The following SV2C variants were observed in gnomAD, a reference collection of about 807,000 sequenced individuals.
SV2C encodes solute carrier family 22 member B3.
In SV2C, 49 loss-of-function variants were observed where a neutral mutation model predicts 79.7. That is an observed-to-expected ratio of 0.61 (90% CI 0.49 to 0.78). The LOEUF (loss-of-function observed/expected upper bound fraction) is 0.78. Ranked by LOEUF, SV2C falls within the 30% of genes least tolerant of loss-of-function variation. SV2C has a pLI of 0.00. For missense variants in SV2C, 833 were observed against 912.9 expected, an observed-to-expected ratio of 0.91 and a Z score of 1.13; for synonymous variants, 334 against 333.2, an observed-to-expected ratio of 1.00 and a Z score of -0.03.
the SV2C span, among the ~76,000 whole-genome samples, chr5:76,039,518 G>A: frequency 6.6e-6 from 1 of 152,178 alleles, no homozygotes; most frequent in Non-Finnish European, 1.5e-5. Context: ...CAGTTTGCGA[G>A]GCTGAGGTGG....
chr5:76,015,242 A>G, the SV2C span, among the ~76,000 whole-genome samples: 1 of 152,176 alleles, frequency 6.6e-6, no homozygotes, highest in African/African-American at 2.4e-5. Flanking sequence ...CCTTCACTAA[A>G]TTGCATCATG....
chr5:76,055,917 T>A, the SV2C span, among the ~76,000 whole-genome samples: 2 of 152,178 alleles, frequency 1.3e-5, no homozygotes, highest in Admixed American at 6.5e-5. Context: ...TGGGGTTTTT[T>A]AAATATAGAA....
chr5:76,186,895 C>T (rs1743937213), intron 2 of SV2C, among the ~76,000 whole-genome samples: 1 of 152,134 alleles, frequency 6.6e-6, no homozygotes, highest in African/African-American at 2.4e-5. Flanking sequence ...GGAACCACCC[C>T]TATGATTCAA....
At chr5:75,872,022 A>G in the SV2C span, among the ~76,000 whole-genome samples, 1 of 147,324 alleles carries the variant, frequency 6.8e-6, no homozygotes, top group Non-Finnish European at 1.5e-5. Flanking sequence ...TATATAATAT[A>G]TTAGCAATAT....
chr5:75,971,906 C>T, the SV2C span, among the ~76,000 whole-genome samples: 2 of 152,064 alleles, frequency 1.3e-5, no homozygotes, highest in African/African-American at 2.4e-5. Context: ...GGAGGCATCA[C>T]ACTACCTGAC....
intron 3 of SV2C, among the ~76,000 whole-genome samples, chr5:76,197,130 A>G (rs931196369): frequency 6.6e-6 from 1 of 152,216 alleles, no homozygotes; most frequent in Non-Finnish European, 1.5e-5. Flanking sequence ...TTTCTTTTGT[A>G]AAAGAAGACA....
intron 1 of SV2C, among the ~76,000 whole-genome samples, chr5:76,123,576 T>C (rs879926732): frequency 6.6e-6 from 1 of 152,164 alleles, no homozygotes; most frequent in Non-Finnish European, 1.5e-5. Context: ...TTTCAATATA[T>C]GCAAATCAAT....
the SV2C span, among the ~76,000 whole-genome samples, chr5:75,999,650 GC>G: frequency 1.6e-5 from 1 of 62,746 alleles, no homozygotes; most frequent in Non-Finnish European, 3.1e-5. Context: ...TCTCTTCTCT[GC>G]CTTTTTTTTT....
At chr5:76,302,181 A>C (rs934549196) in intron 12 of SV2C, among the ~76,000 whole-genome samples, 1 of 152,206 alleles carries the variant, frequency 6.6e-6, no homozygotes, top group Non-Finnish European at 1.5e-5. Flanking sequence ...CCACATTTTA[A>C]GTGGCTAACC....
rs1308681813 is a variant in SV2C at position 76,169,817 on chromosome 5, G to A, written c.581-25102G>A. On this transcript the variant is annotated intron_variant, in intron 2 of 12. Coordinates refer to ENST00000502798, the MANE Select transcript of SV2C (RefSeq NM_014979.4). ...GCTAGGTAGCCAGATCATTTGGCCA[G>A]CTGTGGAAACCATGTTAGTGGAATA... 7.9e-5 allele frequency among the ~76,000 whole-genome samples: 12 copies of A among 152,270 alleles called. No individual in the cohort carries two copies. The South Asian group carries it at 1.7e-3, about 21-fold the overall frequency.
At chr5:76,049,017 AAG>A in the SV2C span, among the ~76,000 whole-genome samples, 1 of 106,934 alleles carries the variant, frequency 9.4e-6, no homozygotes, top group African/African-American at 3.2e-5. Flanking sequence ...GAAAGAAAGA[AAG>A]AAAGAAAAAG....
intron 2 of SV2C, among the ~76,000 whole-genome samples, chr5:76,158,016 C>CCAG (rs985591599): frequency 6.6e-6 from 1 of 151,118 alleles, no homozygotes; most frequent in African/African-American, 2.4e-5. Flanking sequence ...CTAGAGCAAC[C>CCAG]ACTAAGAAAA....
the SV2C span, among the ~76,000 whole-genome samples, chr5:75,984,944 G>A: frequency 6.6e-6 from 1 of 151,916 alleles, no homozygotes; most frequent in African/African-American, 2.4e-5. Context: ...GCAGCACCTC[G>A]ATTAGTGCTT....
chr5:76,239,941 A>T (rs1433047142), intron 4 of SV2C, among the ~76,000 whole-genome samples: 2 of 152,204 alleles, frequency 1.3e-5, no homozygotes, highest in African/African-American at 4.8e-5. Context: ...CCTTCTTTGC[A>T]ACATGATTTT....
At chr5:76,183,805 C>T (rs778290585) in intron 2 of SV2C, among the ~76,000 whole-genome samples, 8 of 152,130 alleles carry the variant, frequency 5.3e-5, no homozygotes, top group Non-Finnish European at 8.8e-5. Context: ...AACTTTCCTC[C>T]GAGAGTGCCT....
intron 2 of SV2C, among the ~76,000 whole-genome samples, chr5:76,168,700 C>G (rs966473546): frequency 1.3e-5 from 2 of 152,164 alleles, no homozygotes; most frequent in African/African-American, 2.4e-5. Flanking sequence ...AAATTATGTT[C>G]TACTGTGTTC....
At chr5:76,215,878 C>T (rs923204974) in intron 4 of SV2C, among the ~76,000 whole-genome samples, 3 of 151,944 alleles carry the variant, frequency 2.0e-5, no homozygotes, top group Non-Finnish European at 4.4e-5. Context: ...CAAAGGTGTT[C>T]GCTGTTTCTG....
the SV2C span, among the ~76,000 whole-genome samples, chr5:76,030,266 GTTTTTTTTTTTT>G: frequency 3.1e-5 from 1 of 31,958 alleles, no homozygotes; most frequent in Non-Finnish European, 5.7e-5. Flanking sequence ...TCAGAGGCTT[GTTTTTTTTTTTT>G]TTTTTTTTTT....
chr5:76,048,303 G>A, the SV2C span, among the ~76,000 whole-genome samples: 16 of 152,272 alleles, frequency 1.1e-4, 1 homozygote, highest in South Asian at 2.3e-3. Context: ...ACCGATGTCC[G>A]AGGGCAAGAG....
Sources: gnomAD v4.1 joint callset for allele counts (sites outside exome capture counted in the v4.1 genomes callset) on GRCh38, gnomAD v4.1.1 for gene constraint, MANE v1.5 for transcripts, NCBI Gene and HGNC (gene_info 2026-07-23, HGNC 2026-07-21) for gene names.